The following STYK1 variants were observed in gnomAD, a reference collection of about 807,000 sequenced individuals.
STYK1 encodes the protein tyrosine-protein kinase STYK1.
In STYK1, 46 loss-of-function variants were observed where a neutral mutation model predicts 48.1. That is an observed-to-expected ratio of 0.96 (90% CI 0.75 to 1.22). The LOEUF (loss-of-function observed/expected upper bound fraction) is 1.22, where lower values mean the gene tolerates loss of function less well. Ranked by LOEUF, STYK1 falls within the 50% of genes most tolerant of loss-of-function variation. STYK1 has a pLI of 0.00. For missense variants in STYK1, 527 were observed against 521.1 expected, an observed-to-expected ratio of 1.01 and a Z score of -0.11; for synonymous variants, 188 against 189.0, an observed-to-expected ratio of 0.99 and a Z score of 0.04.
chr12:10,628,300 A>G (rs913460317), intron 6 of STYK1, among the ~76,000 whole-genome samples: 7 of 152,224 alleles, frequency 4.6e-5, no homozygotes, highest in Non-Finnish European at 1.0e-4. Context: ...GGCAGAAGAG[A>G]GTTGATTGAG....
rs1865874565 is a variant in STYK1 at position 10,619,734 on chromosome 12, C to T, written c.*410G>A. 3.1e-6 allele frequency: 1 copy of T among 323,688 alleles called. No homozygotes were observed. 20.1% of individuals were successfully genotyped at this position (323,688 alleles called of 1,614,324 possible). A position where few individuals can be genotyped will look rare whatever the true frequency, so the allele number is the denominator to read the frequency against. Reference sequence around the variant, plus strand: ...AAGAAGAACCTTAAATTTTCTTTCCCTTCAACTCTTTTATTGGATTTCTAT... The same window carrying T: ...AAGAAGAACCTTAAATTTTCTTTCCTTTCAACTCTTTTATTGGATTTCTAT... On this transcript the variant is annotated 3_prime_UTR_variant, in exon 11 of 11. Coordinates refer to ENST00000075503, the MANE Select transcript of STYK1 (RefSeq NM_018423.3).
intron 1 of STYK1, among the ~76,000 whole-genome samples, chr12:10,663,854 C>A (rs1947806727): frequency 6.6e-6 from 1 of 151,948 alleles, no homozygotes; most frequent in African/African-American, 2.4e-5. Context: ...AACTATATGT[C>A]TTTCCATTCA....
intron 1 of STYK1, among the ~76,000 whole-genome samples, chr12:10,645,531 A>T (rs1270261855): frequency 6.6e-6 from 1 of 152,174 alleles, no homozygotes; most frequent in Non-Finnish European, 1.5e-5. Context: ...ACAAAGCCTA[A>T]ACACACACAC....
At chr12:10,621,151 T>C (rs1865900719) in intron 10 of STYK1, among the ~76,000 whole-genome samples, 2 of 152,212 alleles carry the variant, frequency 1.3e-5, no homozygotes, top group Admixed American at 6.5e-5. Flanking sequence ...AAAACATTAA[T>C]ATATTCTCTG....
At chr12:10,647,800 C>A (rs766830043) in intron 1 of STYK1, among the ~76,000 whole-genome samples, 1 of 152,094 alleles carries the variant, frequency 6.6e-6, no homozygotes, top group Non-Finnish European at 1.5e-5. Context: ...ATAAGTCTCA[C>A]GAGATCTGAT....
intron 1 of STYK1, among the ~76,000 whole-genome samples, chr12:10,670,889 A>G (rs1204700878): frequency 1.3e-5 from 2 of 150,070 alleles, no homozygotes; most frequent in Non-Finnish European, 3.0e-5. Flanking sequence ...ATATACATAT[A>G]ATAAAAATAA....
chr12:10,641,684 G>C (rs1214467312), intron 1 of STYK1, among the ~76,000 whole-genome samples: 2 of 152,224 alleles, frequency 1.3e-5, no homozygotes, highest in South Asian at 2.1e-4. Flanking sequence ...GTGCCATACA[G>C]TGTGTCACTA....
At chr12:10,650,776 G>T (rs145388193) in intron 1 of STYK1, among the ~76,000 whole-genome samples, 4 of 152,058 alleles carry the variant, frequency 2.6e-5, no homozygotes, top group African/African-American at 9.7e-5. Context: ...GGAGGCAGGC[G>T]GATGACCTGA....
chr12:10,643,558 T>C (rs1246564393), intron 1 of STYK1, among the ~76,000 whole-genome samples: 2 of 152,240 alleles, frequency 1.3e-5, no homozygotes, highest in Non-Finnish European at 2.9e-5. Context: ...TTCACTCAGA[T>C]GTTAAATAAT....
At chr12:10,634,430 C>T in intron 3 of STYK1, 137 bp downstream of exon 3, 1 of 961,190 alleles carries the variant, frequency 1.0e-6, no homozygotes, top group Non-Finnish European at 1.6e-6. Context: ...AGACAATGGC[C>T]TCTAGTCCCC....
chr12:10,651,800 T>C (rs1947665458), intron 1 of STYK1, among the ~76,000 whole-genome samples: 1 of 152,242 alleles, frequency 6.6e-6, no homozygotes, highest in African/African-American at 2.4e-5. Flanking sequence ...TATGCTTCAG[T>C]ACAGTTTTCT....
intron 1 of STYK1, among the ~76,000 whole-genome samples, chr12:10,671,323 C>T (rs967661270): frequency 6.6e-6 from 1 of 151,914 alleles, no homozygotes; most frequent in African/African-American, 2.4e-5. Context: ...GTTGAAATAG[C>T]GAAGGGGAAT....
intron 6 of STYK1, among the ~76,000 whole-genome samples, chr12:10,628,468 G>T (rs979052292): frequency 4.6e-5 from 7 of 152,198 alleles, no homozygotes; most frequent in Non-Finnish European, 5.9e-5. Context: ...AGCTAGTGCA[G>T]TTAGAGGACA....
Position 10,643,283 on chromosome 12 carries a change from C to A in STYK1, c.-194-6087G>T, listed in dbSNP as rs183293228. ...TCTTGCTACTAATATAAAAGCCTCC[C>A]AGATAAATGCAACCACAATGGTTGA... is the stretch of plus-strand genomic sequence containing the variant. On this transcript the variant is annotated intron_variant, in intron 1 of 10. Transcript: ENST00000075503. 5.3e-5 allele frequency among the ~76,000 whole-genome samples: 8 copies of A among 152,300 alleles called. No homozygotes were observed. The East Asian group carries it at 9.6e-4, about 18-fold the overall frequency.
intron 1 of STYK1, among the ~76,000 whole-genome samples, chr12:10,658,166 T>C (rs6488317): frequency 0.55 from 83,544 of 152,044 alleles, 23,668 homozygotes; most frequent in East Asian, 0.79. Flanking sequence ...AGGGTGTTCT[T>C]AGAGCAGTGA....
chr12:10,634,932 T>C (rs1392503400), intron 2 of STYK1, among the ~76,000 whole-genome samples: 1 of 152,174 alleles, frequency 6.6e-6, no homozygotes, highest in Non-Finnish European at 1.5e-5. Context: ...TCTTGTCCTT[T>C]CATTCAACTG....
chr12:10,630,898 A>G (rs1418337243), intron 5 of STYK1, 147 bp downstream of exon 5: 10 of 1,057,340 alleles, frequency 9.5e-6, no homozygotes, highest in Non-Finnish European at 1.4e-5. Flanking sequence ...CACCAAGAAA[A>G]ACATTTCTGC....
chr12:10,662,637 C>T (rs767698415), intron 1 of STYK1, among the ~76,000 whole-genome samples: 1 of 152,148 alleles, frequency 6.6e-6, no homozygotes, highest in East Asian at 1.9e-4. Flanking sequence ...TTTTCATGTG[C>T]TCATTGGCCA....
chr12:10,661,906 A>G (rs1249315174), intron 1 of STYK1, among the ~76,000 whole-genome samples: 1 of 152,204 alleles, frequency 6.6e-6, no homozygotes, highest in Non-Finnish European at 1.5e-5. Flanking sequence ...AAAGTGTGCA[A>G]TTTAGTGGTT....
Sources: allele counts gnomAD v4.1 joint callset (sites outside exome capture counted in the v4.1 genomes callset), GRCh38; gene constraint gnomAD v4.1.1; transcripts MANE v1.5; gene names NCBI Gene and HGNC (gene_info 2026-07-23, HGNC 2026-07-21).